GPHN: variants seen among roughly 807,000 people sequenced by gnomAD.
The protein encoded by GPHN is gephyrin.
GPHN carries 17 observed loss-of-function variants against 95.5 expected under a neutral mutation model. The observed-to-expected ratio is 0.18, with a 90% CI of 0.12 to 0.27. The LOEUF (loss-of-function observed/expected upper bound fraction) is 0.27. Ranked by LOEUF, GPHN falls within the 10% of genes least tolerant of loss-of-function variation. GPHN has a pLI of 1.00. For missense variants in GPHN, 660 were observed against 978.1 expected (o/e 0.67, Z 4.34); for synonymous variants, 320 against 322.5 (o/e 0.99, Z 0.08).
intron 10 of GPHN, among the ~76,000 whole-genome samples, chr14:67,055,935 G>C (rs2075543673): frequency 6.6e-6 from 1 of 152,146 alleles, no homozygotes; most frequent in African/African-American, 2.4e-5. Context: ...GGCTGGAGTT[G>C]TTCATTCCTT....
intron 1 of GPHN, among the ~76,000 whole-genome samples, chr14:66,544,954 A>G (rs150725564): frequency 0.029 from 4,432 of 152,234 alleles, 199 homozygotes; most frequent in African/African-American, 0.1. Context: ...ATTTCTTAGT[A>G]CAGAACAAAA....
intron 5 of GPHN, among the ~76,000 whole-genome samples, chr14:66,885,982 A>T (rs1424324735): frequency 3.9e-5 from 6 of 152,206 alleles, no homozygotes; most frequent in Non-Finnish European, 7.3e-5. Context: ...TGAAAACAAT[A>T]AATTGACAAA....
chr14:67,392,760 TCTC>T, the GPHN span: 36 of 1,613,902 alleles, frequency 2.2e-5, no homozygotes, highest in Middle Eastern at 1.6e-4. Flanking sequence ...CTGAGGAAGT[TCTC>T]CTCCATGAGC....
At chr14:67,554,286 T>C in the GPHN span, among the ~76,000 whole-genome samples, 1 of 151,764 alleles carries the variant, frequency 6.6e-6, no homozygotes, top group Non-Finnish European at 1.5e-5. Context: ...AGCTGAGAGA[T>C]TGGGAAAGAG....
intron 10 of GPHN, among the ~76,000 whole-genome samples, chr14:67,057,483 G>A (rs1456129393): frequency 6.6e-6 from 1 of 151,772 alleles, no homozygotes; most frequent in Non-Finnish European, 1.5e-5. Flanking sequence ...AAGAATAGCT[G>A]GGCCTAATAC....
the GPHN span, chr14:67,201,321 A>G: frequency 2.8e-6 from 1 of 353,418 alleles, no homozygotes; most frequent in South Asian, 2.3e-5. Context: ...ATATTTTTAA[A>G]AAAATTTAAA....
chr14:67,268,992 G>A, the GPHN span, among the ~76,000 whole-genome samples: 2 of 152,104 alleles, frequency 1.3e-5, no homozygotes, highest in East Asian at 1.9e-4. Flanking sequence ...GCATCATTCC[G>A]CAAGAGAAAC....
At chr14:67,662,521 A>G in the GPHN span, 3 of 1,611,360 alleles carry the variant, frequency 1.9e-6, no homozygotes, top group South Asian at 1.1e-5. Context: ...TCCCTGATCA[A>G]TTTCTTCTTT....
chr14:66,775,443 G>A (rs1050526435), intron 2 of GPHN, among the ~76,000 whole-genome samples: 4 of 151,994 alleles, frequency 2.6e-5, no homozygotes, highest in African/African-American at 4.8e-5. Context: ...TTTCTAAGTA[G>A]CCACATTTTA....
the GPHN span, among the ~76,000 whole-genome samples, chr14:67,706,941 T>C: frequency 6.6e-6 from 1 of 152,012 alleles, no homozygotes; most frequent in South Asian, 2.1e-4. Context: ...TGCAGAGAAA[T>C]TAGGGGGAGG....
At chr14:66,742,966 A>G (rs1056043395) in intron 2 of GPHN, among the ~76,000 whole-genome samples, 5 of 150,382 alleles carry the variant, frequency 3.3e-5, no homozygotes, top group African/African-American at 5.0e-5. Context: ...GGGTTTCACC[A>G]TGTTAGCCAG....
At chr14:66,542,581 A>G (rs1434296201) in intron 1 of GPHN, among the ~76,000 whole-genome samples, 3 of 152,136 alleles carry the variant, frequency 2.0e-5, no homozygotes, top group Non-Finnish European at 4.4e-5. Flanking sequence ...TCTTAGGGAC[A>G]TTGCTCCAGC....
At chr14:67,410,664 G>T in the GPHN span, among the ~76,000 whole-genome samples, 2 of 152,210 alleles carry the variant, frequency 1.3e-5, no homozygotes, top group African/African-American at 4.8e-5. Flanking sequence ...TGGGGAAAAT[G>T]AAAGTGATGT....
intron 2 of GPHN, among the ~76,000 whole-genome samples, chr14:66,739,378 G>A (rs527736471): frequency 1.3e-4 from 19 of 151,586 alleles, no homozygotes; most frequent in East Asian, 1.2e-3. Context: ...CACCACGCCC[G>A]GCTAATTTTT....
chr14:67,032,828 T>C (rs2074252868), intron 10 of GPHN, among the ~76,000 whole-genome samples: 5 of 152,096 alleles, frequency 3.3e-5, no homozygotes, highest in Non-Finnish European at 7.4e-5. Context: ...TGGCTGTTTC[T>C]CAAATGACTA....
intron 4 of GPHN, among the ~76,000 whole-genome samples, chr14:66,836,929 A>C (rs2061849324): frequency 6.7e-6 from 1 of 149,080 alleles, no homozygotes; most frequent in Admixed American, 6.7e-5. Context: ...GCAATCATTA[A>C]AAAGTCAGGA....
chr14:67,167,993 C>T (rs950255765), intron 20 of GPHN, among the ~76,000 whole-genome samples: 1 of 152,208 alleles, frequency 6.6e-6, no homozygotes, highest in African/African-American at 2.4e-5. Flanking sequence ...AGTGGAATTC[C>T]TCAAATTCTT....
the GPHN span, among the ~76,000 whole-genome samples, chr14:67,406,532 G>C: frequency 6.6e-6 from 1 of 152,136 alleles, no homozygotes; most frequent in Non-Finnish European, 1.5e-5. Context: ...AGGTGATGGG[G>C]ACCAAGGTGG....
chr14:67,090,950 G>A (rs1317280721), intron 12 of GPHN, among the ~76,000 whole-genome samples: 1 of 151,060 alleles, frequency 6.6e-6, no homozygotes, highest in East Asian at 1.9e-4. Context: ...GAAAGCCTTA[G>A]TAAACTACCT....
Sources: gnomAD v4.1 joint callset for allele counts (sites outside exome capture counted in the v4.1 genomes callset) on GRCh38, gnomAD v4.1.1 for gene constraint, MANE v1.5 for transcripts, NCBI Gene and HGNC (gene_info 2026-07-23, HGNC 2026-07-21) for gene names.